The following PRKN variants were observed in gnomAD, a reference collection of about 807,000 sequenced individuals.
PRKN encodes parkin RBR E3 ubiquitin protein ligase, also known as E3 ubiquitin-protein ligase parkin.
A neutral mutation model predicts 59.5 loss-of-function variants in PRKN; 56 were observed. The observed-to-expected ratio is 0.94, with a 90% CI of 0.76 to 1.18. The LOEUF (loss-of-function observed/expected upper bound fraction) is 1.18, where lower values mean the gene tolerates loss of function less well. Ranked by LOEUF, PRKN falls within the 50% of genes most tolerant of loss-of-function variation. The pLI is 0.00. For missense variants in PRKN, 657 were observed against 596.4 expected (o/e 1.10, Z -1.06); for synonymous variants, 250 against 222.1 (o/e 1.13, Z -1.12).
chr6:162,387,774 C>T (rs1268761697), intron 2 of PRKN, among the ~76,000 whole-genome samples: 2 of 152,200 alleles, frequency 1.3e-5, no homozygotes, highest in East Asian at 3.9e-4. Context: ...CGAATGCTGC[C>T]TTTTCTTCAC....
Position 161,946,491 on chromosome 6 carries a change from A to T in PRKN, c.734+26811T>A, listed in dbSNP as rs148504689. Among the ~76,000 whole-genome samples, 851 of 151,536 alleles carry T rather than the reference A, an allele frequency of 5.6e-3. 11 individuals carry two copies. Among genetic ancestry groups the T allele is most frequent in the African/African-American group, 0.02 (809 of 41,166 alleles). On this transcript the variant is annotated intron_variant, in intron 6 of 11. Transcript: ENST00000366898. ...AGCGCTAACCCTGTCTTGAATCCAT[A>T]GAATCCTCAAATGCATGCATTTCAG...
At chr6:162,499,998 C>G (rs972881168) in intron 1 of PRKN, among the ~76,000 whole-genome samples, 3 of 151,874 alleles carry the variant, frequency 2.0e-5, no homozygotes, top group African/African-American at 7.3e-5. Flanking sequence ...TTAAGGATGC[C>G]ATCTAGAACA....
intron 10 of PRKN, among the ~76,000 whole-genome samples, chr6:161,368,528 C>T (rs1382392237): frequency 1.3e-5 from 2 of 151,330 alleles, no homozygotes; most frequent in African/African-American, 2.4e-5. Flanking sequence ...GCAATCCAGA[C>T]TAGGCGACAG....
intron 4 of PRKN, among the ~76,000 whole-genome samples, chr6:162,183,392 C>T (rs550224069): frequency 6.6e-6 from 1 of 152,178 alleles, no homozygotes; most frequent in East Asian, 1.9e-4. Flanking sequence ...CTGCCATCAT[C>T]ATCTTCTGGT....
intron 2 of PRKN, among the ~76,000 whole-genome samples, chr6:162,326,439 C>A (rs1382612184): frequency 2.0e-5 from 3 of 152,118 alleles, no homozygotes; most frequent in Non-Finnish European, 4.4e-5. Flanking sequence ...TTTTAAACCT[C>A]TTTAATATTT....
chr6:162,435,558 A>C (rs1354742392), intron 2 of PRKN, among the ~76,000 whole-genome samples: 1 of 152,200 alleles, frequency 6.6e-6, no homozygotes, highest in East Asian at 1.9e-4. Flanking sequence ...CGGTCTTCCC[A>C]AAGTGAGCAT....
Position 161,401,485 on chromosome 6 carries a change from C to T in PRKN, c.1084-14608G>A, listed in dbSNP as rs986291779. On this transcript the variant is annotated intron_variant, in intron 9 of 11. Coordinates refer to ENST00000366898, the MANE Select transcript of PRKN (RefSeq NM_004562.3). This position sits in a 1 kb window ranked among gnomAD's most constrained non-coding sequence, Gnocchi z 4.4. ...AACGTTAGCTGGGCGTGGTGGTGGA[C>T]GCCTGTAATCCCAGCTACTCAGGAG... Among the ~76,000 whole-genome samples the T allele has an allele frequency of 1.7e-4, 26 of 151,970 alleles. No homozygotes were observed. Among genetic ancestry groups the T allele is most frequent in the African/African-American group, 4.6e-4 (19 of 41,344 alleles).
At chr6:162,494,793 T>C (rs1388582074) in intron 1 of PRKN, among the ~76,000 whole-genome samples, 1 of 152,190 alleles carries the variant, frequency 6.6e-6, no homozygotes, top group Non-Finnish European at 1.5e-5. Flanking sequence ...CATTTTTTCA[T>C]AGCTGTAGAA....
chr6:162,206,241 G>T (rs1421379104), intron 3 of PRKN, among the ~76,000 whole-genome samples: 1 of 152,098 alleles, frequency 6.6e-6, no homozygotes, highest in South Asian at 2.1e-4. Flanking sequence ...ATATGCTCAA[G>T]GTACAGTTAG....
chr6:161,683,535 G>A (rs1278575661), intron 7 of PRKN, among the ~76,000 whole-genome samples: 1 of 152,080 alleles, frequency 6.6e-6, no homozygotes, highest in East Asian at 1.9e-4. Flanking sequence ...AGAGCTCCAG[G>A]TGGCTCCAGC....
At chr6:162,094,007 A>G (rs1023500697) in intron 4 of PRKN, among the ~76,000 whole-genome samples, 1 of 152,196 alleles carries the variant, frequency 6.6e-6, no homozygotes, top group African/African-American at 2.4e-5. Flanking sequence ...CGGGAATGCA[A>G]AACGGGACAA....
At chr6:161,758,530 A>G (rs1439691715) in intron 7 of PRKN, among the ~76,000 whole-genome samples, 1 of 152,216 alleles carries the variant, frequency 6.6e-6, no homozygotes, top group Non-Finnish European at 1.5e-5. Context: ...GTAAACAAAT[A>G]AATAATTGCT....
chr6:161,962,965 C>A (rs1048520319), intron 6 of PRKN, among the ~76,000 whole-genome samples: 1 of 151,876 alleles, frequency 6.6e-6, no homozygotes, highest in Admixed American at 6.6e-5. Context: ...GCCAACATGG[C>A]GAAACCCCGT....
At chr6:162,101,165 C>T (rs534140140) in intron 4 of PRKN, among the ~76,000 whole-genome samples, 9 of 152,102 alleles carry the variant, frequency 5.9e-5, no homozygotes, top group South Asian at 2.1e-4. Flanking sequence ...ATCAATACCA[C>T]GCAGCTTTTC....
intron 7 of PRKN, among the ~76,000 whole-genome samples, chr6:161,669,128 C>G (rs2128168202): frequency 6.6e-6 from 1 of 152,274 alleles, no homozygotes; most frequent in Non-Finnish European, 1.5e-5. Flanking sequence ...TGGGAAGTCA[C>G]AGCAAAAAGA....
chr6:162,354,972 A>C (rs1049597031), intron 2 of PRKN, among the ~76,000 whole-genome samples: 4 of 152,026 alleles, frequency 2.6e-5, no homozygotes, highest in Non-Finnish European at 5.9e-5. Context: ...TAAAAAAATA[A>C]TATTGTTACT....
chr6:161,604,337 G>C (rs758319816), intron 7 of PRKN, among the ~76,000 whole-genome samples: 7 of 152,312 alleles, frequency 4.6e-5, no homozygotes, highest in African/African-American at 9.6e-5. Flanking sequence ...CTTTCAGCTA[G>C]AGCGGGTTTT....
chr6:161,422,593 T>C (rs1364534236), intron 9 of PRKN, among the ~76,000 whole-genome samples: 2 of 152,212 alleles, frequency 1.3e-5, no homozygotes, highest in South Asian at 2.1e-4. Flanking sequence ...GCTCTGTTTA[T>C]GCTTCATTTT....
In PRKN at chr6:162,556,370, T is replaced by TGTGCGTGTGC. The variant is rs1209351399; in HGVS notation, c.8-112898_8-112897insGCACACGCAC. 4.0e-5 allele frequency among the ~76,000 whole-genome samples: 4 copies of TGTGCGTGTGC among 99,376 alleles called. No homozygotes were observed. In the Admixed American group the frequency reaches 4.4e-4, roughly 11 times the overall value. 65.2% of individuals were successfully genotyped at this position (99,376 alleles called of 152,430 possible). ...GTGTGTGTGTGTGTGTGTGTGTGTG[T>TGTGCGTGTGC]GTGTGTGTGTGTGTGTGTGTGTGTG... On this transcript the variant is annotated intron_variant, in intron 1 of 11. Coordinates refer to ENST00000366898, the MANE Select transcript of PRKN (RefSeq NM_004562.3).
Sources: gnomAD v4.1 joint callset for allele counts (sites outside exome capture counted in the v4.1 genomes callset) on GRCh38, gnomAD v4.1.1 for gene constraint, Gnocchi (gnomAD v3.1) non-coding constraint, MANE v1.5 for transcripts, NCBI Gene and HGNC (gene_info 2026-07-23, HGNC 2026-07-21) for gene names.